The following HPSE2 variants were observed in gnomAD, a reference collection of about 807,000 sequenced individuals.
HPSE2 encodes inactive heparanase-2.
HPSE2 carries 38 observed loss-of-function variants against 60.5 expected under a neutral mutation model. The observed-to-expected ratio is 0.63, with a 90% confidence interval of 0.48 to 0.82. The LOEUF (loss-of-function observed/expected upper bound fraction) is 0.82, where lower values mean the gene tolerates loss of function less well. Among genes scored for constraint, HPSE2 ranks in the 40% least tolerant of loss-of-function variants. The pLI is 0.00. For synonymous variants in HPSE2, 295 were observed against 293.2 expected, an observed-to-expected ratio of 1.01 and a Z score of -0.06; for missense variants, 713 against 740.4, an observed-to-expected ratio of 0.96 and a Z score of 0.43.
intron 4 of HPSE2, among the ~76,000 whole-genome samples, chr10:98,740,178 G>A (rs938777659): frequency 9.7e-4 from 64 of 65,800 alleles, no homozygotes; most frequent in African/African-American, 2.9e-3. Flanking sequence ...CTTTTCTTTT[G>A]TCTTTTTTTT....
chr10:98,603,565 G>A (rs1945493837), intron 9 of HPSE2, among the ~76,000 whole-genome samples: 1 of 151,890 alleles, frequency 6.6e-6, no homozygotes, highest in South Asian at 2.1e-4. Context: ...GAGTAGCTGG[G>A]ACTACAGGCA....
the HPSE2 span, among the ~76,000 whole-genome samples, chr10:99,241,754 T>G: frequency 1.3e-5 from 2 of 152,226 alleles, no homozygotes; most frequent in East Asian, 1.9e-4. Context: ...GAACGAGACC[T>G]TATCTCAAAA....
chr10:98,914,973 A>T (rs1318032998), intron 3 of HPSE2, among the ~76,000 whole-genome samples: 2 of 151,906 alleles, frequency 1.3e-5, no homozygotes, highest in Non-Finnish European at 2.9e-5. Flanking sequence ...TACACACAGG[A>T]TAATCTCAAC....
At chr10:98,563,119 A>G (rs1944240055) in intron 9 of HPSE2, among the ~76,000 whole-genome samples, 1 of 152,218 alleles carries the variant, frequency 6.6e-6, no homozygotes, top group Admixed American at 6.5e-5. Flanking sequence ...ACACACAAAA[A>G]CTTGTACACA....
At chr10:98,763,882 T>C (rs1950061799) in intron 3 of HPSE2, among the ~76,000 whole-genome samples, 1 of 151,052 alleles carries the variant, frequency 6.6e-6, no homozygotes, top group African/African-American at 2.4e-5. Context: ...CAAAGGGAAA[T>C]GAACAAAGGA....
chr10:99,145,199 G>A (rs1452111986), intron 2 of HPSE2, among the ~76,000 whole-genome samples: 3 of 152,200 alleles, frequency 2.0e-5, no homozygotes, highest in African/African-American at 7.2e-5. Context: ...GCTCACGCCT[G>A]TAATCCCAGC....
the HPSE2 span, among the ~76,000 whole-genome samples, chr10:99,275,719 G>A: frequency 3.4e-4 from 52 of 152,072 alleles, no homozygotes; most frequent in Admixed American, 7.2e-4. Flanking sequence ...AGTAACATCC[G>A]TCTTGGGTCT....
intron 3 of HPSE2, among the ~76,000 whole-genome samples, chr10:99,101,583 G>A (rs1843992202): frequency 6.6e-6 from 1 of 152,190 alleles, no homozygotes; most frequent in South Asian, 2.1e-4. Context: ...CAACAAGACA[G>A]AAGTTAACAA....
chr10:98,490,004 G>A, intron 10 of HPSE2, 47 bp downstream of exon 10: 1 of 1,611,352 alleles, frequency 6.2e-7, no homozygotes, highest in Admixed American at 1.7e-5. Flanking sequence ...ATGGTATGGG[G>A]TGGGAGCCCC....
intron 7 of HPSE2, among the ~76,000 whole-genome samples, chr10:98,635,602 A>C (rs1033390849): frequency 2.0e-5 from 3 of 152,000 alleles, no homozygotes; most frequent in African/African-American, 7.3e-5. Flanking sequence ...TCAACACAGC[A>C]AGACCTTGTC....
intron 3 of HPSE2, among the ~76,000 whole-genome samples, chr10:99,001,520 C>T (rs944029149): frequency 6.6e-6 from 1 of 152,070 alleles, no homozygotes; most frequent in Non-Finnish European, 1.5e-5. Context: ...GCCATGATTA[C>T]ATAAATTACT....
chr10:98,904,270 T>G (rs910375113), intron 3 of HPSE2, among the ~76,000 whole-genome samples: 14 of 152,060 alleles, frequency 9.2e-5, no homozygotes, highest in African/African-American at 2.9e-4. Flanking sequence ...TAATAGTTTT[T>G]GGGGGAAAAA....
upstream of HPSE2, among the ~76,000 whole-genome samples, chr10:99,238,800 A>G (rs1008485958): frequency 4.6e-5 from 7 of 152,172 alleles, no homozygotes; most frequent in Non-Finnish European, 1.0e-4. Context: ...GGTGACAGCA[A>G]TCTGCATCTC....
intron 6 of HPSE2, among the ~76,000 whole-genome samples, chr10:98,657,038 C>T (rs1024786569): frequency 1.4e-4 from 21 of 152,128 alleles, no homozygotes; most frequent in Non-Finnish European, 1.5e-5. Flanking sequence ...GCTGAGATTA[C>T]AGGCATGAGC....
chr10:98,901,633 T>C (rs1344812077), intron 3 of HPSE2, among the ~76,000 whole-genome samples: 1 of 152,202 alleles, frequency 6.6e-6, no homozygotes, highest in African/African-American at 2.4e-5. Flanking sequence ...ACTACTCTCA[T>C]ATAATCTTTA....
chr10:99,144,225 C>T lies in HPSE2; in HGVS notation c.610+13G>A. ...GAATGCTCTAAGATTTCAACCAACTCCAATAGCCTTACCTGTTAATATGAG... is the reference window on the plus strand; with the variant it reads ...GAATGCTCTAAGATTTCAACCAACTTCAATAGCCTTACCTGTTAATATGAG... On this transcript the variant is annotated intron_variant, in intron 3 of 11. Coordinates refer to ENST00000370552, the MANE Select transcript of HPSE2 (RefSeq NM_021828.5). 1 of 1,613,280 alleles carries T rather than the reference C, an allele frequency of 6.2e-7. No homozygotes were observed. The highest frequency in any genetic ancestry group is 8.5e-7 in the Non-Finnish European group (1 of 1,179,900).
At chr10:98,930,920 T>A (rs1476501307) in intron 3 of HPSE2, among the ~76,000 whole-genome samples, 1 of 144,310 alleles carries the variant, frequency 6.9e-6, no homozygotes, top group East Asian at 2.0e-4. Context: ...CCATAGGTTA[T>A]CTGTTCACTC....
chr10:98,569,067 T>TC (rs1045359219), intron 9 of HPSE2, among the ~76,000 whole-genome samples: 7 of 5,102 alleles, frequency 1.4e-3, no homozygotes, highest in Non-Finnish European at 4.6e-3. Flanking sequence ...AAAAGTCTGA[T>TC]TTTTTTTTTT....
chr10:99,145,441 G>C (rs966930248), intron 2 of HPSE2, among the ~76,000 whole-genome samples: 2 of 151,266 alleles, frequency 1.3e-5, no homozygotes, highest in African/African-American at 2.4e-5. Context: ...GGGCAATAGA[G>C]GGAGACTCTG....
Sources: allele counts gnomAD v4.1 joint callset (sites outside exome capture counted in the v4.1 genomes callset), GRCh38; gene constraint gnomAD v4.1.1; transcripts MANE v1.5; gene names NCBI Gene and HGNC (gene_info 2026-07-23, HGNC 2026-07-21).